The following UNC5D variants were observed in gnomAD, a reference collection of about 807,000 sequenced individuals.
The protein encoded by UNC5D is unc-5 netrin receptor D.
UNC5D carries 39 observed loss-of-function variants against 105.4 expected under a neutral mutation model. The observed-to-expected ratio is 0.37, with a 90% CI of 0.29 to 0.48. The LOEUF (loss-of-function observed/expected upper bound fraction) is 0.48. Among genes scored for constraint, UNC5D ranks in the 20% least tolerant of loss-of-function variants. UNC5D has a pLI of 0.98. For missense variants in UNC5D, 991 were observed against 1,202.4 expected, an observed-to-expected ratio of 0.82 and a Z score of 2.60; for synonymous variants, 452 against 450.4, an observed-to-expected ratio of 1.00 and a Z score of -0.04.
chr8:35,246,734 G>T (rs1803125891), intron 1 of UNC5D, among the ~76,000 whole-genome samples: 1 of 152,052 alleles, frequency 6.6e-6, no homozygotes, highest in Non-Finnish European at 1.5e-5. Context: ...CAATGACTTG[G>T]TCATGTTTTG....
At chr8:35,342,156 G>A (rs4492371) in intron 1 of UNC5D, among the ~76,000 whole-genome samples, 80,636 of 151,802 alleles carry the variant, frequency 0.53, 22,150 homozygotes, top group East Asian at 0.7. Flanking sequence ...CCTCACATGC[G>A]GGATCTTGTA....
At chr8:35,750,881 T>G (rs1830250376) in intron 13 of UNC5D, 72 bp downstream of exon 13, 1 of 1,578,526 alleles carries the variant, frequency 6.3e-7, no homozygotes, top group Admixed American at 1.7e-5. Context: ...CAGTATCAAT[T>G]GAAAATTTTA....
At chr8:35,515,290 A>G (rs1813034308) in intron 1 of UNC5D, among the ~76,000 whole-genome samples, 1 of 152,208 alleles carries the variant, frequency 6.6e-6, no homozygotes, top group Non-Finnish European at 1.5e-5. Flanking sequence ...TGAAATTGCC[A>G]TTTGATTTCA....
chr8:35,387,083 G>A (rs1450269154), intron 1 of UNC5D, among the ~76,000 whole-genome samples: 2 of 151,434 alleles, frequency 1.3e-5, no homozygotes, highest in Non-Finnish European at 2.9e-5. Flanking sequence ...TTCTCAGGCC[G>A]GACGCAGTGG....
chr8:35,557,958 C>T (rs1816670203), intron 2 of UNC5D, among the ~76,000 whole-genome samples: 1 of 151,902 alleles, frequency 6.6e-6, no homozygotes, highest in South Asian at 2.1e-4. Context: ...AAGGTGAAAC[C>T]CCGTCTCTAC....
intron 1 of UNC5D, among the ~76,000 whole-genome samples, chr8:35,429,919 C>A (rs945022892): frequency 3.9e-5 from 6 of 152,132 alleles, no homozygotes; most frequent in Non-Finnish European, 1.5e-5. Flanking sequence ...AACTATATTT[C>A]TTTCTGTATC....
intron 4 of UNC5D, among the ~76,000 whole-genome samples, chr8:35,674,921 G>A (rs976118545): frequency 6.6e-6 from 1 of 152,158 alleles, no homozygotes; most frequent in African/African-American, 2.4e-5. Context: ...GAGTGATCAT[G>A]TTGTGAACTT....
intron 8 of UNC5D, among the ~76,000 whole-genome samples, chr8:35,708,386 C>A (rs1171034997): frequency 6.6e-6 from 1 of 152,118 alleles, no homozygotes; most frequent in East Asian, 1.9e-4. Context: ...TGTACTAAAC[C>A]GAATGTTTCA....
chr8:35,282,586 A>G (rs1806269532), intron 1 of UNC5D, among the ~76,000 whole-genome samples: 1 of 152,110 alleles, frequency 6.6e-6, no homozygotes, highest in Admixed American at 6.5e-5. Flanking sequence ...ATTAATATAG[A>G]AAGAGAGTTC....
At chr8:35,401,622 A>G (rs1208963054) in intron 1 of UNC5D, among the ~76,000 whole-genome samples, 1 of 152,148 alleles carries the variant, frequency 6.6e-6, no homozygotes, top group Middle Eastern at 3.2e-3. Flanking sequence ...TTTAAGAGGA[A>G]AGGGTACACT....
intron 1 of UNC5D, among the ~76,000 whole-genome samples, chr8:35,496,104 G>T (rs558423064): frequency 6.6e-6 from 1 of 152,118 alleles, no homozygotes; most frequent in Non-Finnish European, 1.5e-5. Context: ...TTAGACTGAG[G>T]GTTCAGTCTA....
chr8:35,322,438 C>T (rs866628958), intron 1 of UNC5D, among the ~76,000 whole-genome samples: 5 of 151,806 alleles, frequency 3.3e-5, no homozygotes, highest in Admixed American at 6.6e-5. Context: ...TTTACAAACT[C>T]ACCTTTTTAG....
chr8:35,565,887 T>C (rs1016243681), intron 2 of UNC5D, among the ~76,000 whole-genome samples: 1 of 152,194 alleles, frequency 6.6e-6, no homozygotes, highest in East Asian at 1.9e-4. Context: ...TTCCTTTATT[T>C]CCACTTTCTG....
chr8:35,558,949 T>C (rs1262825816), intron 2 of UNC5D, among the ~76,000 whole-genome samples: 1 of 151,844 alleles, frequency 6.6e-6, no homozygotes, highest in Non-Finnish European at 1.5e-5. Context: ...AGCACTGTAC[T>C]CCAGCTTGGG....
At chr8:35,317,361 G>T (rs1308046770) in intron 1 of UNC5D, among the ~76,000 whole-genome samples, 1 of 152,122 alleles carries the variant, frequency 6.6e-6, no homozygotes, top group African/African-American at 2.4e-5. Flanking sequence ...AAGGTAGTTT[G>T]GGTCATCTGG....
intron 1 of UNC5D, among the ~76,000 whole-genome samples, chr8:35,469,661 A>G (rs962476793): frequency 2.6e-5 from 4 of 152,230 alleles, no homozygotes; most frequent in Admixed American, 2.0e-4. Context: ...TAGAGATTAT[A>G]AATCTATGTA....
At chr8:35,311,874 T>C (rs1213829985) in intron 1 of UNC5D, among the ~76,000 whole-genome samples, 1 of 152,154 alleles carries the variant, frequency 6.6e-6, no homozygotes, top group African/African-American at 2.4e-5. Flanking sequence ...TGTTTTAACC[T>C]GTGGTATTTA....
At chr8:35,723,868 A>C (rs144428350) in intron 9 of UNC5D, among the ~76,000 whole-genome samples, 1 of 152,270 alleles carries the variant, frequency 6.6e-6, no homozygotes, top group East Asian at 1.9e-4. Context: ...TTTTAGTCTA[A>C]AACTGCTATC....
intron 2 of UNC5D, 108 bp from the exon 3 acceptor site, chr8:35,567,990 A>T: frequency 6.7e-7 from 1 of 1,491,982 alleles, no homozygotes; most frequent in Non-Finnish European, 9.0e-7. Context: ...TGCCTTGATT[A>T]AAAACAGGAT....
Sources: gnomAD v4.1 joint callset for allele counts (sites outside exome capture counted in the v4.1 genomes callset) on GRCh38, gnomAD v4.1.1 for gene constraint, MANE v1.5 for transcripts, NCBI Gene and HGNC (gene_info 2026-07-23, HGNC 2026-07-21) for gene names.